TSPAN11: variants seen among roughly 807,000 people sequenced by gnomAD.
TSPAN11 encodes tetraspanin 11, also known as tetraspanin-11.
Under a neutral mutation model 32.9 loss-of-function variants are expected in TSPAN11, and 29 were observed. The observed-to-expected ratio is 0.88, with a 90% CI of 0.66 to 1.20. TSPAN11 has a LOEUF of 1.20. Ranked by LOEUF, TSPAN11 falls within the 50% of genes most tolerant of loss-of-function variation. The probability of loss-of-function intolerance (pLI) is 0.00; values close to 1 mark genes in which losing one functional copy is unlikely to be tolerated. For synonymous variants in TSPAN11, 140 were observed against 141.3 expected (o/e 0.99, Z 0.07); for missense variants, 283 against 329.1 (o/e 0.86, Z 1.08).
At chr12:31,007,205 C>T in the TSPAN11 span, among the ~76,000 whole-genome samples, 1 of 152,230 alleles carries the variant, frequency 6.6e-6, no homozygotes, top group African/African-American at 2.4e-5. Context: ...TTTTTTTCCC[C>T]ACTGTAAGGT....
chr12:30,931,879 CAAAA>C (rs58500177), intron 1 of TSPAN11, among the ~76,000 whole-genome samples: 3 of 60,882 alleles, frequency 4.9e-5, no homozygotes, highest in African/African-American at 1.3e-4. Context: ...GACGCTGTAT[CAAAA>C]AAAAAAAAAA....
At chr12:30,978,260 C>T (rs114966245) in intron 3 of TSPAN11, 3 of 375,268 alleles carry the variant, frequency 8.0e-6, no homozygotes, top group African/African-American at 6.0e-5. Context: ...GTCTTCCCAC[C>T]ATCAATAACT....
At chr12:30,938,909 T>C (rs1440688823) in intron 1 of TSPAN11, among the ~76,000 whole-genome samples, 1 of 152,148 alleles carries the variant, frequency 6.6e-6, no homozygotes, top group African/African-American at 2.4e-5. Flanking sequence ...TTCCCAGGTC[T>C]GCCAAAGGAG....
chr12:30,939,216 G>A (rs183212823), intron 1 of TSPAN11, among the ~76,000 whole-genome samples: 7 of 147,468 alleles, frequency 4.7e-5, no homozygotes, highest in Middle Eastern at 3.4e-3. Flanking sequence ...ACTCCAGCCT[G>A]GGCGACAGAG....
rs533678065 is a variant in TSPAN11 at position 30,951,671 on chromosome 12, CT to C, written c.-11-2309del. On this transcript the variant is annotated intron_variant, in intron 1 of 7. Transcript: ENST00000546076. ...GCACATAGTAAGTGTTCCATAAATA[CT>C]AGCTACACAGGGAGGTTAAATAACT... is the stretch of plus-strand genomic sequence containing the variant. 4.0e-4 allele frequency among the ~76,000 whole-genome samples: 61 copies of C among 152,294 alleles called. 1 individual carries two copies. Among genetic ancestry groups the C allele is most frequent in the Middle Eastern group, 6.8e-3 (2 of 294 alleles).
At chr12:30,929,238 A>G (rs1357871534) in intron 1 of TSPAN11, among the ~76,000 whole-genome samples, 2 of 152,220 alleles carry the variant, frequency 1.3e-5, no homozygotes, top group Admixed American at 6.5e-5. Flanking sequence ...CCAAGTAGAA[A>G]TAATAGTACC....
At chr12:30,964,155 C>A in intron 3 of TSPAN11, 138 bp downstream of exon 3, 1 of 1,122,308 alleles carries the variant, frequency 8.9e-7, no homozygotes, top group South Asian at 1.6e-5. Flanking sequence ...GTGGCTGCTC[C>A]TGGGTCTGGG....
At chr12:31,008,824 GCAA>G in the TSPAN11 span, among the ~76,000 whole-genome samples, 2 of 152,160 alleles carry the variant, frequency 1.3e-5, no homozygotes, top group African/African-American at 4.8e-5. Flanking sequence ...CGAATCTAAA[GCAA>G]GACTGGGTTC....
chr12:30,957,707 CCTT>C (rs1163238071), intron 2 of TSPAN11, among the ~76,000 whole-genome samples: 5,855 of 56,528 alleles, frequency 0.1, 1,271 homozygotes, highest in African/African-American at 0.29. Flanking sequence ...CTCCCTCCCT[CCTT>C]CCTTCCTTCC....
chr12:30,954,284 G>A (rs1165692149), intron 2 of TSPAN11: 2 of 597,044 alleles, frequency 3.3e-6, no homozygotes, highest in African/African-American at 1.9e-5. Flanking sequence ...TTGGCATGGA[G>A]TTTGTACCAC....
chr12:30,991,851 G>A lies in TSPAN11; in HGVS notation c.703-5G>A. 6.2e-7 allele frequency: 1 copy of A among 1,614,148 alleles called. No homozygotes were observed. Among genetic ancestry groups the A allele is most frequent in the Non-Finnish European group, 8.5e-7 (1 of 1,180,018 alleles). On this transcript the variant is annotated splice_polypyrimidine_tract_variant and splice_region_variant and intron_variant, in intron 7 of 7. Transcript: ENST00000546076. ...CTTTGCTCCTCTGCTCTCTCCACCT[G>A]GCAGATCTGCGGGATGGTTCTCACC...
rs58500177 is a variant in TSPAN11, at chr12:30,931,879, C to CAA, written c.-12+5102_-12+5103dup. ...TGGGCGACAGAGTGAGACGCTGTAT[C>CAA]AAAAAAAAAAAAAAAAAAAAGAGTC... On this transcript the variant is annotated intron_variant, in intron 1 of 7. Coordinates refer to ENST00000546076, the MANE Select transcript of TSPAN11 (RefSeq NM_001370302.1). Among the ~76,000 whole-genome samples, 17 of 60,878 alleles carry CAA rather than the reference C, an allele frequency of 2.8e-4. 1 individual carries two copies. Among genetic ancestry groups the CAA allele is most frequent in the East Asian group, 1.4e-3 (2 of 1,414 alleles). The allele number at this position is 60,878 out of a possible 152,430, so 39.9% of individuals were successfully genotyped here. A position where few individuals can be genotyped will look rare whatever the true frequency, so the allele number is the denominator to read the frequency against.
chr12:30,927,970 ACTACTGGC>A (rs1452915792), intron 1 of TSPAN11, among the ~76,000 whole-genome samples: 1 of 152,192 alleles, frequency 6.6e-6, no homozygotes, highest in African/African-American at 2.4e-5. Flanking sequence ...GGTAAGGGGC[ACTACTGGC>A]CTACAGGGGC....
chr12:31,005,630 G>A, the TSPAN11 span: 1 of 152,656 alleles, frequency 6.6e-6, no homozygotes, highest in Non-Finnish European at 1.5e-5. Flanking sequence ...AGAAGGCTGA[G>A]GCTGAGGCAG....
the TSPAN11 span, among the ~76,000 whole-genome samples, chr12:31,001,846 C>G: frequency 7.1e-3 from 1,082 of 152,294 alleles, 12 homozygotes; most frequent in African/African-American, 0.025. Context: ...CTCTCATATA[C>G]AGCCAGGGCA....
At position 30,978,585 on chromosome 12, in the gene TSPAN11, T is replaced by C. The variant is rs148360726; in HGVS notation, c.301T>C (p.Phe101Leu). The C allele has an allele frequency of 1.5e-5, 24 of 1,614,246 alleles. No individual in the cohort carries two copies. In the African/African-American group the frequency reaches 2.9e-4, roughly 20 times the overall value. ...GTATTTCTGCCTGTTGCTCGTCATC[T>C]TCCTGGTTGAGCTGGTGGCGGGAGT... is the stretch of plus-strand genomic sequence containing the variant. ...STYFCLLLVI[F>L]LVELVAGVLA... is the part of the protein sequence containing the mutation. Residue 101 changes from phenylalanine to leucine, a missense_variant, in exon 4 of 8, where the codon TTC becomes CTC. Phe to Leu is a conservative substitution (Grantham distance 22, BLOSUM62 0). Coordinates refer to ENST00000546076, the MANE Select transcript of TSPAN11 (RefSeq NM_001370302.1).
the TSPAN11 span, among the ~76,000 whole-genome samples, chr12:31,004,908 A>G: frequency 6.6e-6 from 1 of 152,224 alleles, no homozygotes; most frequent in African/African-American, 2.4e-5. Context: ...GTTAGCAAAC[A>G]CCATCACCCT....
At chr12:30,959,387 T>C (rs1239052567) in intron 2 of TSPAN11, among the ~76,000 whole-genome samples, 1 of 151,900 alleles carries the variant, frequency 6.6e-6, no homozygotes, top group African/African-American at 2.4e-5. Flanking sequence ...GAGAGAACAA[T>C]GCGTGAAAGG....
downstream of TSPAN11, chr12:30,998,997 T>C (rs1939452283): frequency 1.3e-5 from 2 of 152,200 alleles, no homozygotes; most frequent in Non-Finnish European, 2.9e-5. Flanking sequence ...GGCTACATCT[T>C]GATAAATACA....
Sources: gnomAD v4.1 joint callset for allele counts (sites outside exome capture counted in the v4.1 genomes callset) on GRCh38, gnomAD v4.1.1 for gene constraint, MANE v1.5 for transcripts, NCBI Gene and HGNC (gene_info 2026-07-23, HGNC 2026-07-21) for gene names.